Variants in KCNJ6 observed in about 807,000 individuals in gnomAD.
The protein encoded by KCNJ6 is G protein-activated inward rectifier potassium channel 2.
In KCNJ6, 9 loss-of-function variants were observed where a neutral mutation model predicts 34.2. The observed-to-expected ratio is 0.26, with a 90% CI of 0.16 to 0.46. The LOEUF is 0.46. Among genes scored for constraint, KCNJ6 ranks in the 20% least tolerant of loss-of-function variants. The probability of loss-of-function intolerance (pLI) is 1.00; values close to 1 mark genes in which losing one functional copy is unlikely to be tolerated. For synonymous variants in KCNJ6, 196 were observed against 207.1 expected (o/e 0.95, Z 0.46); for missense variants, 236 against 531.3 (o/e 0.44, Z 5.46).
rs543745271 is a variant in KCNJ6, at chr21:37,610,276, A to G, written c.*14883T>C. 1 of 152,304 alleles carries G rather than the reference A, an allele frequency of 6.6e-6. No individual in the cohort carries two copies. The highest frequency in any genetic ancestry group is 6.5e-5 in the Admixed American group (1 of 15,290). 9.4% of individuals were successfully genotyped at this position (152,304 alleles called of 1,614,324 possible). A position where few individuals can be genotyped will look rare whatever the true frequency, so the allele number is the denominator to read the frequency against. On this transcript the variant is annotated 3_prime_UTR_variant, in exon 4 of 4. Transcript: ENST00000609713. ...AAAGATGAGGAAACTACAGCAGATT[A>G]GTCTTTTTGCTTAAGCTTGCATGGA...
intron 3 of KCNJ6, among the ~76,000 whole-genome samples, chr21:37,708,299 A>G (rs867921509): frequency 2.2e-4 from 33 of 152,228 alleles, no homozygotes; most frequent in African/African-American, 6.8e-4. Context: ...TGTGTGCACC[A>G]TAGCATCCAA....
intron 2 of KCNJ6, among the ~76,000 whole-genome samples, chr21:37,805,605 C>G (rs868053693): frequency 7.5e-6 from 1 of 132,622 alleles, no homozygotes; most frequent in Non-Finnish European, 1.7e-5. Context: ...TTTGTGTTAC[C>G]AAAAGGATGT....
At chr21:37,788,783 G>A (rs928797481) in intron 2 of KCNJ6, among the ~76,000 whole-genome samples, 4 of 152,166 alleles carry the variant, frequency 2.6e-5, no homozygotes, top group African/African-American at 7.2e-5. Context: ...TGACCTAGAC[G>A]CATGTGTGAG....
At chr21:37,902,382 C>A (rs1294297116) in intron 1 of KCNJ6, among the ~76,000 whole-genome samples, 1 of 152,174 alleles carries the variant, frequency 6.6e-6, no homozygotes, top group Non-Finnish European at 1.5e-5. Flanking sequence ...TGTGACATCT[C>A]CCCTCTGACC....
intron 1 of KCNJ6, among the ~76,000 whole-genome samples, chr21:37,847,837 T>C (rs955901608): frequency 1.3e-5 from 2 of 150,922 alleles, no homozygotes; most frequent in Admixed American, 1.3e-4. Context: ...CTGGAGAAAA[T>C]GTAGTTCTAA....
chr21:37,832,232 A>G lies in KCNJ6; in HGVS notation c.25+8426T>C, dbSNP rs540397639. On this transcript the variant is annotated intron_variant, in intron 2 of 3. Transcript: ENST00000609713. ...ACCTGTGTGAGTGTGAACCTGAGAT[A>G]AGGATCTTAGTATTTAAAGTGCCTA... 2.0e-5 allele frequency among the ~76,000 whole-genome samples: 3 copies of G among 151,690 alleles called. No homozygotes were observed. The South Asian group carries it at 6.2e-4, about 32-fold the overall frequency.
intron 3 of KCNJ6, among the ~76,000 whole-genome samples, chr21:37,662,958 G>A (rs1251717935): frequency 6.6e-6 from 1 of 152,118 alleles, no homozygotes; most frequent in Non-Finnish European, 1.5e-5. Context: ...TAATGAGGTG[G>A]TTTGTTTTTG....
chr21:37,833,953 T>TC (rs2055439465), intron 2 of KCNJ6, among the ~76,000 whole-genome samples: 1 of 152,206 alleles, frequency 6.6e-6, no homozygotes, highest in Non-Finnish European at 1.5e-5. Flanking sequence ...CTGGGGTGTC[T>TC]CGAAAGCTTC....
At chr21:37,808,699 T>G (rs772172232) in intron 2 of KCNJ6, among the ~76,000 whole-genome samples, 2 of 152,238 alleles carry the variant, frequency 1.3e-5, no homozygotes, top group Non-Finnish European at 2.9e-5. Flanking sequence ...ATTGGAGGCA[T>G]GAACACCCAG....
intron 2 of KCNJ6, among the ~76,000 whole-genome samples, chr21:37,813,096 T>C (rs1197219559): frequency 1.3e-5 from 2 of 152,086 alleles, no homozygotes; most frequent in African/African-American, 4.8e-5. Flanking sequence ...TATACAAGAA[T>C]GAGTAGCATT....
At position 37,899,247 on chromosome 21, in the gene KCNJ6, G is replaced by A. The variant is rs8126685; in HGVS notation, c.-28+16637C>T. On this transcript the variant is annotated intron_variant, in intron 1 of 3. Coordinates refer to ENST00000609713, the MANE Select transcript of KCNJ6 (RefSeq NM_002240.5). ...ATTTTTGTCTTTTGTGTATAATCTCGGTAGAAATCATGACATCGCTTTAAT... is the reference window on the plus strand; with the variant it reads ...ATTTTTGTCTTTTGTGTATAATCTCAGTAGAAATCATGACATCGCTTTAAT... Among the ~76,000 whole-genome samples the A allele has an allele frequency of 9.9e-3, 1,506 of 152,194 alleles. 33 individuals are homozygous for A. The highest frequency in any genetic ancestry group is 0.034 in the African/African-American group (1,426 of 41,524).
intron 2 of KCNJ6, among the ~76,000 whole-genome samples, chr21:37,770,079 T>C (rs1419308391): frequency 6.6e-6 from 1 of 152,186 alleles, no homozygotes; most frequent in Non-Finnish European, 1.5e-5. Context: ...AACAGAGACA[T>C]TTCGGCAGAT....
rs536153683 is a variant in KCNJ6 at position 37,741,980 on chromosome 21, G to A, written c.26-26849C>T. The stretch of plus-strand genomic sequence containing the variant: ...GGGACCATCACGTGCATTTGGTAAC[G>A]GCCCAAAGGCAGGCAGGGGAGTGAG... On this transcript the variant is annotated intron_variant, in intron 2 of 3. Transcript: ENST00000609713. Among the ~76,000 whole-genome samples the A allele has an allele frequency of 1.1e-4, 17 of 152,280 alleles. No individual in the cohort carries two copies. The South Asian group carries it at 3.3e-3, about 30-fold the overall frequency.
At chr21:37,805,816 A>T (rs1025371632) in intron 2 of KCNJ6, among the ~76,000 whole-genome samples, 2 of 152,174 alleles carry the variant, frequency 1.3e-5, no homozygotes, top group African/African-American at 2.4e-5. Flanking sequence ...AGCTGCAGTG[A>T]TGCGTCTGCA....
chr21:37,630,894 T>C (rs1454963013), intron 3 of KCNJ6, among the ~76,000 whole-genome samples: 2 of 152,194 alleles, frequency 1.3e-5, no homozygotes, highest in East Asian at 3.9e-4. Context: ...CTCTCCTTTA[T>C]CTTGAATGCC....
At chr21:37,773,250 C>G (rs181019168) in intron 2 of KCNJ6, among the ~76,000 whole-genome samples, 2 of 152,270 alleles carry the variant, frequency 1.3e-5, no homozygotes, top group African/African-American at 4.8e-5. Flanking sequence ...CACGGCATAG[C>G]AGGAGGCTCT....
At chr21:37,869,663 C>T (rs1025688466) in intron 1 of KCNJ6, among the ~76,000 whole-genome samples, 2 of 152,200 alleles carry the variant, frequency 1.3e-5, no homozygotes, top group African/African-American at 4.8e-5. Flanking sequence ...CCCTGAGTAG[C>T]CTCCCTCACC....
intron 2 of KCNJ6, among the ~76,000 whole-genome samples, chr21:37,832,386 G>A (rs909363994): frequency 1.3e-5 from 2 of 151,908 alleles, no homozygotes; most frequent in Non-Finnish European, 2.9e-5. Flanking sequence ...GCTCTGCCCC[G>A]CGTGAGGTGA....
Position 37,776,255 on chromosome 21 carries a change from G to A in KCNJ6, c.26-61124C>T, listed in dbSNP as rs774581036. On this transcript the variant is annotated intron_variant, in intron 2 of 3. Transcript: ENST00000609713. The stretch of plus-strand genomic sequence containing the variant: ...GCTTAAGAAGATTTTGGGCTGAGAC[G>A]ATGGGGTTTTCTAGATATACAATCA... 4.7e-3 allele frequency among the ~76,000 whole-genome samples: 714 copies of A among 152,268 alleles called. 4 individuals carry two copies. The highest frequency in any genetic ancestry group is 0.018 in the Admixed American group (279 of 15,290).
Sources: gnomAD v4.1 joint callset for allele counts (sites outside exome capture counted in the v4.1 genomes callset) on GRCh38, gnomAD v4.1.1 for gene constraint, MANE v1.5 for transcripts, NCBI Gene and HGNC (gene_info 2026-07-23, HGNC 2026-07-21) for gene names.